KIF11: variants seen among roughly 807,000 people sequenced by gnomAD.
KIF11 encodes kinesin-like protein KIF11.
A neutral mutation model predicts 121.0 loss-of-function variants in KIF11; 9 were observed. The observed-to-expected ratio is 0.07, with a 90% CI of 0.04 to 0.13. The LOEUF (loss-of-function observed/expected upper bound fraction) is 0.13. Among genes scored for constraint, KIF11 ranks in the 10% least tolerant of loss-of-function variants. KIF11 has a pLI of 1.00. For missense variants in KIF11, 846 were observed against 1,217.5 expected (o/e 0.69, Z 4.54); for synonymous variants, 408 against 421.0 (o/e 0.97, Z 0.38).
intron 16 of KIF11, among the ~76,000 whole-genome samples, chr10:92,638,298 G>A (rs2135919701): frequency 6.6e-6 from 1 of 152,186 alleles, no homozygotes; most frequent in Admixed American, 6.5e-5. Flanking sequence ...TTTTAATGAG[G>A]AAACTGAGAC....
chr10:92,602,885 C>A (rs978211580), intron 1 of KIF11, among the ~76,000 whole-genome samples: 1 of 149,494 alleles, frequency 6.7e-6, no homozygotes, highest in Admixed American at 6.7e-5. Flanking sequence ...GACTGAGTTT[C>A]GCTCTTGTTG....
At chr10:92,637,669 AGC>A in intron 16 of KIF11, 124 bp downstream of exon 16, 1 of 874,176 alleles carries the variant, frequency 1.1e-6, no homozygotes, top group Non-Finnish European at 1.7e-6. Flanking sequence ...AAAATACCAT[AGC>A]CACTGTTGCT....
At chr10:92,643,670 C>T (rs903132816) in intron 17 of KIF11, among the ~76,000 whole-genome samples, 1 of 151,150 alleles carries the variant, frequency 6.6e-6, no homozygotes, top group Non-Finnish European at 1.5e-5. Context: ...AATTCTCCTG[C>T]CTCAGCCTCC....
chr10:92,595,614 G>T (rs973573109), intron 1 of KIF11, among the ~76,000 whole-genome samples: 6 of 151,942 alleles, frequency 3.9e-5, no homozygotes, highest in Non-Finnish European at 5.9e-5. Context: ...CCACTTTTAA[G>T]TGTACAGTTC....
At chr10:92,610,848 A>G (rs1209421244) in intron 6 of KIF11, among the ~76,000 whole-genome samples, 1 of 152,190 alleles carries the variant, frequency 6.6e-6, no homozygotes, top group East Asian at 1.9e-4. Flanking sequence ...AAGATCATGG[A>G]ATTTTGGATG....
intron 17 of KIF11, among the ~76,000 whole-genome samples, chr10:92,644,732 T>C (rs913636950): frequency 2.6e-5 from 4 of 152,156 alleles, no homozygotes; most frequent in Non-Finnish European, 5.9e-5. Context: ...GTCACTTCAT[T>C]CCACAAGGTT....
Position 92,654,069 on chromosome 10 carries a change from G to A in KIF11, c.*273G>A. 1 of 250,276 alleles carries A rather than the reference G, an allele frequency of 4.0e-6. No individual in the cohort carries two copies. The highest frequency in any genetic ancestry group is 7.9e-6 in the Non-Finnish European group (1 of 127,048). 15.5% of individuals were successfully genotyped at this position (250,276 alleles called of 1,614,324 possible). On this transcript the variant is annotated 3_prime_UTR_variant, in exon 22 of 22. Coordinates refer to ENST00000260731, the MANE Select transcript of KIF11 (RefSeq NM_004523.4). The stretch of plus-strand genomic sequence containing the variant: ...CACACTCCTGTAATCCCAGCTACTG[G>A]GGAGGCTGAGGCACGAGAATCACTT...
At chr10:92,615,460 AT>A (rs1564707328) in intron 8 of KIF11, among the ~76,000 whole-genome samples, 2 of 152,032 alleles carry the variant, frequency 1.3e-5, no homozygotes, top group Admixed American at 1.3e-4. Context: ...TTAAAAAAAA[AT>A]CTTTGTTGAG....
At chr10:92,607,507 T>C (rs1009955971) in intron 4 of KIF11, among the ~76,000 whole-genome samples, 7 of 152,140 alleles carry the variant, frequency 4.6e-5, no homozygotes, top group African/African-American at 1.7e-4. Flanking sequence ...GAGCAGAATA[T>C]TGTAGAAAAG....
intron 12 of KIF11, 29 bp downstream of exon 12, chr10:92,630,393 T>C (rs1389886935): frequency 1.4e-6 from 2 of 1,415,556 alleles, no homozygotes; most frequent in East Asian, 2.6e-5. Context: ...TTTGTACTCA[T>C]ATTAAGTAGA....
chr10:92,642,384 CTTTG>C (rs368116748), intron 17 of KIF11, among the ~76,000 whole-genome samples: 149 of 152,280 alleles, frequency 9.8e-4, no homozygotes, highest in African/African-American at 2.9e-3. Flanking sequence ...TCTGATAATG[CTTTG>C]TTTGTGTGCT....
At chr10:92,619,737 T>G (rs1844597807) in intron 9 of KIF11, among the ~76,000 whole-genome samples, 1 of 151,906 alleles carries the variant, frequency 6.6e-6, no homozygotes, top group African/African-American at 2.4e-5. Flanking sequence ...TAAAGGCTAA[T>G]GATGTTGAGT....
intron 14 of KIF11, among the ~76,000 whole-genome samples, chr10:92,635,074 G>T (rs1844782530): frequency 6.6e-6 from 1 of 152,010 alleles, no homozygotes; most frequent in East Asian, 1.9e-4. Context: ...TGTATGGTTG[G>T]TCTAGGAAGT....
chr10:92,593,673 C>T (rs1844258472), intron 1 of KIF11, among the ~76,000 whole-genome samples: 1 of 152,074 alleles, frequency 6.6e-6, no homozygotes, highest in Admixed American at 6.6e-5. Context: ...CTGAAAAGTG[C>T]GTTCTTATGT....
At chr10:92,648,488 T>C (rs1373694985) in intron 19 of KIF11, 54 bp downstream of exon 19, 32 of 1,127,348 alleles carry the variant, frequency 2.8e-5, no homozygotes, top group Non-Finnish European at 3.4e-5. Context: ...AATTCAACTC[T>C]ATGTAGTGTC....
Position 92,616,700 on chromosome 10 carries a change from A to G in KIF11, c.1033-37A>G, listed in dbSNP as rs17875337. 23,354 of 1,041,970 alleles carry G rather than the reference A, an allele frequency of 0.022. 332 individuals carry two copies. Among genetic ancestry groups the G allele is most frequent in the Admixed American group, 0.056 (3,027 of 53,998 alleles). The allele number at this position is 1,041,970 out of a possible 1,614,324, so 64.5% of individuals were successfully genotyped here. A position where few individuals can be genotyped will look rare whatever the true frequency, so the allele number is the denominator to read the frequency against. ...GATAACAGAACTACATTATTCTCAC[A>G]ATATCTTCAGTAATTGACCTTTCCT... On this transcript the variant is annotated intron_variant, in intron 8 of 21. Coordinates refer to ENST00000260731, the MANE Select transcript of KIF11 (RefSeq NM_004523.4).
intron 12 of KIF11, among the ~76,000 whole-genome samples, chr10:92,630,606 G>A (rs1254547275): frequency 6.6e-6 from 1 of 152,152 alleles, no homozygotes; most frequent in East Asian, 1.9e-4. Context: ...GGTGGCTCAC[G>A]CCTATAATCC....
chr10:92,653,672 A>T lies in KIF11; in HGVS notation c.3047A>T (p.Lys1016Ile), dbSNP rs1197100099. ...IGGVPFFQHK[K>I]SHGKDKENRG... ...CCCGCCTTAAATCCACAGCATAAAA[A>T]ATCACATGGAAAAGACAAAGAAAAC... The change falls in exon 22 of 22, where the codon AAA becomes ATA. Residue 1016 changes from lysine (K) to isoleucine (I), a missense_variant. This residue lies in a region of KIF11 where 492 missense variants were observed against 603.4 expected (regional missense o/e 0.82). Coordinates refer to ENST00000260731, the MANE Select transcript of KIF11 (RefSeq NM_004523.4). 4 of 1,611,026 alleles carry T rather than the reference A, an allele frequency of 2.5e-6. No homozygotes were observed. The highest frequency in any genetic ancestry group is 3.4e-6 in the Non-Finnish European group (4 of 1,178,856).
chr10:92,631,377 C>T (rs1487118119), intron 12 of KIF11, among the ~76,000 whole-genome samples: 5 of 133,448 alleles, frequency 3.7e-5, no homozygotes, highest in African/African-American at 5.9e-5. Context: ...TTTTTTGAGA[C>T]GGAGTCTCGC....
Sources: allele counts gnomAD v4.1 joint callset (sites outside exome capture counted in the v4.1 genomes callset), GRCh38; gene constraint gnomAD v4.1.1; regional missense constraint gnomAD v4.1.1; transcripts MANE v1.5; gene names NCBI Gene and HGNC (gene_info 2026-07-23, HGNC 2026-07-21).